Variants in PIAS4 observed in about 807,000 individuals in gnomAD.
PIAS4 encodes E3 SUMO-protein ligase PIAS4.
In PIAS4, 7 loss-of-function variants were observed where a neutral mutation model predicts 58.0. The observed-to-expected ratio is 0.12, with a 90% CI of 0.07 to 0.23. PIAS4 has a LOEUF of 0.23. Among genes scored for constraint, PIAS4 ranks in the 10% least tolerant of loss-of-function variants. The pLI is 1.00. For synonymous variants in PIAS4, 364 were observed against 312.4 expected (o/e 1.17, Z -1.74); for missense variants, 550 against 709.5 (o/e 0.78, Z 2.55).
At chr19:4,018,377 C>T (rs547890292) in intron 2 of PIAS4, 1 of 152,356 alleles carries the variant, frequency 6.6e-6, no homozygotes, top group African/African-American at 2.4e-5. Context: ...AAATATTCAT[C>T]GTCAGCAGCA....
chr19:4,037,611 C>T lies in PIAS4; in HGVS notation c.1274-5C>T, dbSNP rs757566656. ...GTACCTGCACCCTGTCCCTGTTGCC[C>T]GTAGGCCCCTCGGACGCCAATGGGC... On this transcript the variant is annotated splice_polypyrimidine_tract_variant and splice_region_variant and intron_variant, in intron 10 of 10. Coordinates refer to ENST00000262971, the MANE Select transcript of PIAS4 (RefSeq NM_015897.4). The surrounding 1 kb of genome is among the most constrained non-coding windows in gnomAD (Gnocchi z 5.8). 26 of 1,609,564 alleles carry T rather than the reference C, an allele frequency of 1.6e-5. No individual in the cohort carries two copies. The highest frequency in any genetic ancestry group is 2.2e-5 in the South Asian group (2 of 91,078).
chr19:4,025,026 A>T (rs2040148656), intron 3 of PIAS4, among the ~76,000 whole-genome samples: 1 of 152,202 alleles, frequency 6.6e-6, no homozygotes, highest in Non-Finnish European at 1.5e-5. Context: ...AGCCTCCCAG[A>T]ATGCTGGGAT....
chr19:4,038,442 AG>A lies in PIAS4; in HGVS notation c.*571del, dbSNP rs2040327332. The A allele has an allele frequency of 1.8e-4, 1 of 5,660 alleles. No individual in the cohort carries two copies. Among genetic ancestry groups the A allele is most frequent in the Non-Finnish European group, 3.2e-4 (1 of 3,118 alleles). The allele number at this position is 5,660 out of a possible 1,614,324, so 0.4% of individuals were successfully genotyped here. ...AGCCATGGAGTGGGTTGGGGCGGGG[AG>A]GGGCAGTAGGGTGGGGGGATGGGTG... On this transcript the variant is annotated 3_prime_UTR_variant, in exon 11 of 11. Transcript: ENST00000262971. The surrounding 1 kb of genome is among the most constrained non-coding windows in gnomAD (Gnocchi z 4.1).
intron 2 of PIAS4, among the ~76,000 whole-genome samples, chr19:4,014,199 C>T (rs1201508065): frequency 6.6e-6 from 1 of 152,140 alleles, no homozygotes; most frequent in Non-Finnish European, 1.5e-5. Context: ...CTGGGCTCCA[C>T]GCTTCTCTCT....
chr19:4,015,378 C>T (rs139516788), intron 2 of PIAS4, among the ~76,000 whole-genome samples: 4 of 152,240 alleles, frequency 2.6e-5, no homozygotes, highest in African/African-American at 4.8e-5. Flanking sequence ...CCAGGGACCC[C>T]GGTCACCTGA....
At chr19:4,028,406 G>A in intron 4 of PIAS4, 104 bp from the exon 5 acceptor site, 2 of 895,470 alleles carry the variant, frequency 2.2e-6, no homozygotes, top group Non-Finnish European at 3.5e-6. Context: ...ACATTCTCCG[G>A]TGCCCCCATC....
intron 7 of PIAS4, among the ~76,000 whole-genome samples, chr19:4,029,439 C>T (rs1166731605): frequency 6.6e-6 from 1 of 152,192 alleles, no homozygotes; most frequent in African/African-American, 2.4e-5. Flanking sequence ...TGCTGCGGGA[C>T]CTGGCGGGTC....
In PIAS4 at chr19:4,038,071, A is replaced by C. The variant is rs546416994; in HGVS notation, c.*196A>C. The stretch of plus-strand genomic sequence containing the variant: ...GGATTAAAAAAAAAAGTAAAATGAC[A>C]AAAAAAGATACAAAAAAGAAAAATG... On this transcript the variant is annotated 3_prime_UTR_variant, in exon 11 of 11. Coordinates refer to ENST00000262971, the MANE Select transcript of PIAS4 (RefSeq NM_015897.4). The surrounding 1 kb of genome is among the most constrained non-coding windows in gnomAD (Gnocchi z 4.1). 1.4e-4 allele frequency: 80 copies of C among 563,816 alleles called. 1 individual carries two copies. The South Asian group carries it at 1.4e-3, about 10-fold the overall frequency. 34.9% of individuals were successfully genotyped at this position (563,816 alleles called of 1,614,324 possible). A position where few individuals can be genotyped will look rare whatever the true frequency, so the allele number is the denominator to read the frequency against.
intron 7 of PIAS4, among the ~76,000 whole-genome samples, chr19:4,029,271 G>C (rs372907541): frequency 2.0e-5 from 3 of 152,294 alleles, no homozygotes; most frequent in African/African-American, 7.2e-5. Context: ...GTCACACCTC[G>C]TGTTGCTGGC....
At chr19:4,019,001 C>T (rs1472391314) in intron 2 of PIAS4, among the ~76,000 whole-genome samples, 1 of 152,022 alleles carries the variant, frequency 6.6e-6, no homozygotes, top group African/African-American at 2.4e-5. Context: ...CAGGGGTCTC[C>T]TGCGGAGCCA....
rs779297474 is a variant in PIAS4 at position 4,037,555 on chromosome 19, G to T, written c.1273+51G>T. On this transcript the variant is annotated intron_variant, in intron 10 of 10. Transcript: ENST00000262971. The surrounding 1 kb of genome is among the most constrained non-coding windows in gnomAD (Gnocchi z 5.8). ...GCAGTCCGCAGCCAGGGCCGCCTCAGTTTCCCCATTTATCAGTGGTTGCAT... is the reference window on the plus strand; with the variant it reads ...GCAGTCCGCAGCCAGGGCCGCCTCATTTTCCCCATTTATCAGTGGTTGCAT... 1 of 1,607,584 alleles carries T rather than the reference G, an allele frequency of 6.2e-7. No homozygotes were observed. The highest frequency in any genetic ancestry group is 1.1e-5 in the South Asian group (1 of 91,078).
intron 7 of PIAS4, among the ~76,000 whole-genome samples, chr19:4,031,696 G>A (rs550232252): frequency 1.3e-5 from 2 of 152,206 alleles, no homozygotes; most frequent in African/African-American, 4.8e-5. Context: ...CTTCCTCTCC[G>A]AAGGGGTCTC....
At chr19:4,009,863 C>T (rs1178057863) in intron 1 of PIAS4, among the ~76,000 whole-genome samples, 1 of 152,168 alleles carries the variant, frequency 6.6e-6, no homozygotes, top group East Asian at 1.9e-4. Context: ...TTGAGGCCTG[C>T]AGGCGGGTTT....
At chr19:4,015,326 C>T (rs2144910475) in intron 2 of PIAS4, among the ~76,000 whole-genome samples, 1 of 152,148 alleles carries the variant, frequency 6.6e-6, no homozygotes, top group East Asian at 1.9e-4. Context: ...TGCACGGGGA[C>T]CAGTAGCTCC....
In PIAS4 at chr19:4,035,400, A is replaced by G. The variant is rs2040264234; in HGVS notation, c.1142+1820A>G. On this transcript the variant is annotated intron_variant, in intron 9 of 10. Coordinates refer to ENST00000262971, the MANE Select transcript of PIAS4 (RefSeq NM_015897.4). ...TGGGGAGACTGAGGCCCTTTGGCTA[A>G]GACGGGTTGGGGAGCAGAACCAGGG... Among the ~76,000 whole-genome samples, 3 of 152,148 alleles carry G rather than the reference A, an allele frequency of 2.0e-5. No homozygotes were observed. The South Asian group carries it at 6.2e-4, about 31-fold the overall frequency.
intron 2 of PIAS4, among the ~76,000 whole-genome samples, chr19:4,017,375 C>T (rs1249723581): frequency 1.3e-5 from 2 of 152,202 alleles, no homozygotes; most frequent in African/African-American, 4.8e-5. Context: ...CCCACTGGTC[C>T]CCCTCCCATG....
At chr19:4,030,575 T>C (rs187519960) in intron 7 of PIAS4, among the ~76,000 whole-genome samples, 277 of 150,354 alleles carry the variant, frequency 1.8e-3, no homozygotes, top group African/African-American at 6.6e-3. Flanking sequence ...GCGGAGATCG[T>C]GCCACTGCAC....
chr19:4,011,130 C>A (rs1447920080), intron 1 of PIAS4, among the ~76,000 whole-genome samples: 1 of 152,252 alleles, frequency 6.6e-6, no homozygotes, highest in Non-Finnish European at 1.5e-5. Context: ...TTACATACCC[C>A]ACTGGGACTG....
chr19:4,024,374 C>T (rs1023963331), intron 3 of PIAS4, among the ~76,000 whole-genome samples: 2 of 152,236 alleles, frequency 1.3e-5, no homozygotes, highest in Non-Finnish European at 2.9e-5. Flanking sequence ...GCCCTTTTAA[C>T]ACGGTCTTGC....
Sources: gnomAD v4.1 joint callset for allele counts (sites outside exome capture counted in the v4.1 genomes callset) on GRCh38, gnomAD v4.1.1 for gene constraint, Gnocchi (gnomAD v3.1) non-coding constraint, MANE v1.5 for transcripts, NCBI Gene and HGNC (gene_info 2026-07-23, HGNC 2026-07-21) for gene names.